C4orf50: variants seen among roughly 807,000 people sequenced by gnomAD.
C4orf50 encodes the protein chromosome 4 open reading frame 50.
C4orf50 carries 80 observed loss-of-function variants against 77.2 expected under a neutral mutation model. That is an observed-to-expected ratio of 1.04 (90% CI 0.87 to 1.25). The LOEUF is 1.25. C4orf50 is among the 50% of genes most tolerant of loss of function. C4orf50 has a pLI of 0.00. For synonymous variants in C4orf50, 532 were observed against 465.3 expected (o/e 1.14, Z -1.84); for missense variants, 1,257 against 1,152.9 (o/e 1.09, Z -1.31).
chr4:5,997,678 C>G (rs1721653660), intron 25 of C4orf50, among the ~76,000 whole-genome samples: 1 of 152,206 alleles, frequency 6.6e-6, no homozygotes, highest in South Asian at 2.1e-4. Flanking sequence ...TGAGAAATAT[C>G]AGGATATCCG....
rs1215232127 is a variant in C4orf50, at chr4:6,009,261, C to T, written c.427-729G>A. Among the ~76,000 whole-genome samples the T allele has an allele frequency of 6.6e-6, 1 of 152,220 alleles. No individual in the cohort carries two copies. The highest frequency in any genetic ancestry group is 2.4e-5 in the African/African-American group (1 of 41,464). On this transcript the variant is annotated intron_variant, in intron 24 of 33. Coordinates refer to ENST00000531445, the Ensembl canonical transcript of C4orf50. This position sits in a 1 kb window ranked among gnomAD's most constrained non-coding sequence, Gnocchi z 5.6. Reference sequence around the variant, plus strand: ...GTGAGCTGGACTGGGGTGCACAACCCACTGCGAAAATTAGAGCCGTTGCCT... The same window carrying T: ...GTGAGCTGGACTGGGGTGCACAACCTACTGCGAAAATTAGAGCCGTTGCCT...
At chr4:5,902,250 A>G (rs528847141) in intron 7 of C4orf50, 1 of 152,306 alleles carries the variant, frequency 6.6e-6, no homozygotes, top group African/African-American at 2.4e-5. Flanking sequence ...ATTAGACTCT[A>G]TTGAATGTCT....
Position 6,018,204 on chromosome 4 carries a change from C to A in C4orf50, c.228G>T (p.Glu76Asp), listed in dbSNP as rs1264991621. ...TGTCCTCTGCTGCTGACAGCTTCTG[C>A]TCGGAGGACTCCAGCTGCCTCCTGA... Residue 76 changes from glutamate (E) to aspartate (D), a missense_variant, in exon 23 of 34, where the codon GAG becomes GAT. Coordinates refer to ENST00000531445, the Ensembl canonical transcript of C4orf50. The surrounding 1 kb of genome is among the most constrained non-coding windows in gnomAD (Gnocchi z 5.1). The A allele has an allele frequency of 3.5e-5, 14 of 398,912 alleles. No homozygotes were observed. The highest frequency in any genetic ancestry group is 6.2e-5 in the Non-Finnish European group (14 of 226,096). The allele number at this position is 398,912 out of a possible 1,614,324, so 24.7% of individuals were successfully genotyped here. A position where few individuals can be genotyped will look rare whatever the true frequency, so the allele number is the denominator to read the frequency against.
rs536507507 is a variant in C4orf50, at chr4:5,991,327, G to A, written c.1222-503C>T. Among the ~76,000 whole-genome samples, 80 of 152,136 alleles carry A rather than the reference G, an allele frequency of 5.3e-4. 1 individual carries two copies. The highest frequency in any genetic ancestry group is 2.0e-4 in the Admixed American group (3 of 15,274). On this transcript the variant is annotated intron_variant, in intron 27 of 33. Coordinates refer to ENST00000531445, the Ensembl canonical transcript of C4orf50. Reference sequence around the variant, plus strand: ...CGGTGGCAATAGCCCCATGTGGCTCGTGGCTACTGTCTTGGGCAGTGCAGA... The same window carrying A: ...CGGTGGCAATAGCCCCATGTGGCTCATGGCTACTGTCTTGGGCAGTGCAGA...
chr4:5,963,223 C>G (rs1218900769), intron 33 of C4orf50, among the ~76,000 whole-genome samples: 1 of 152,022 alleles, frequency 6.6e-6, no homozygotes, highest in Admixed American at 6.6e-5. Flanking sequence ...GTCTCAAACT[C>G]CTGACCTCAA....
At chr4:5,988,245 G>T (rs1720987359) in intron 28 of C4orf50, 102 bp downstream of exon 6, 12 of 1,431,804 alleles carry the variant, frequency 8.4e-6, no homozygotes, top group South Asian at 1.3e-5. Flanking sequence ...GAGGATGATT[G>T]TACCTCCCTC....
At position 5,992,078 on chromosome 4, in the gene C4orf50, A is replaced by C. The variant is rs1250373639; in HGVS notation, c.1221+725T>G. On this transcript the variant is annotated intron_variant, in intron 27 of 33. Transcript: ENST00000531445. The surrounding 1 kb of genome is among the most constrained non-coding windows in gnomAD (Gnocchi z 5.0). ...AACCTGCTGGAGCCTCAGCCACCTC[A>C]CCTGTCAAATGGGGCACCTCCGTGT... Among the ~76,000 whole-genome samples, 1 of 152,090 alleles carries C rather than the reference A, an allele frequency of 6.6e-6. No individual in the cohort carries two copies. Among genetic ancestry groups the C allele is most frequent in the African/African-American group, 2.4e-5 (1 of 41,416 alleles).
At chr4:5,949,312 G>T (rs1718623208) in intron 7 of C4orf50, among the ~76,000 whole-genome samples, 1 of 152,228 alleles carries the variant, frequency 6.6e-6, no homozygotes, top group African/African-American at 2.4e-5. Context: ...ATTGATGAGT[G>T]AACAAACAAG....
At chr4:5,988,464 C>T (rs6846626) in exon 28 of C4orf50, 25,612 of 1,573,066 alleles carry the variant, frequency 0.016, 953 homozygotes, top group African/African-American at 0.15. Flanking sequence ...CATTTCCTTG[C>T]AGGGCATTGG....
chr4:5,963,449 A>G (rs114990082), intron 33 of C4orf50, among the ~76,000 whole-genome samples: 3,235 of 152,344 alleles, frequency 0.021, 123 homozygotes, highest in African/African-American at 0.073. Context: ...TTTAAGGTCA[A>G]TAACAATAGC....
exon 28 of C4orf50, chr4:5,990,420 C>T (rs988939724): frequency 3.7e-5 from 15 of 410,392 alleles, no homozygotes; most frequent in Non-Finnish European, 5.1e-5. Flanking sequence ...CTTTCAGATC[C>T]TTGGGGTGTT....
intron 29 of C4orf50, among the ~76,000 whole-genome samples, chr4:5,977,037 G>T (rs1021518176): frequency 1.3e-5 from 2 of 152,152 alleles, no homozygotes; most frequent in African/African-American, 4.8e-5. Flanking sequence ...GTGCCCTCTG[G>T]GGAGACCGTG....
rs562610419 is a variant in C4orf50, at chr4:5,970,726, A to C, written c.4104+2933T>G. On this transcript the variant is annotated intron_variant, in intron 31 of 33. Coordinates refer to ENST00000531445, the Ensembl canonical transcript of C4orf50. The surrounding 1 kb of genome is among the most constrained non-coding windows in gnomAD (Gnocchi z 4.3). ...GAGGTGGTCACCGACTGCTGCTTGC[A>C]TGGGCACCAGGCCACGCCACCTCCT... Among the ~76,000 whole-genome samples, 18 of 152,312 alleles carry C rather than the reference A, an allele frequency of 1.2e-4. No homozygotes were observed. In the South Asian group the frequency reaches 2.5e-3, roughly 21 times the overall value.
chr4:5,999,656 G>T (rs770053828), intron 25 of C4orf50, among the ~76,000 whole-genome samples: 6 of 152,138 alleles, frequency 3.9e-5, no homozygotes, highest in Non-Finnish European at 8.8e-5. Flanking sequence ...CAGGGACTGG[G>T]AATAGAGCTA....
chr4:5,989,406 C>T (rs569284166), exon 28 of C4orf50: 17 of 1,536,082 alleles, frequency 1.1e-5, no homozygotes, highest in Middle Eastern at 1.7e-4. Flanking sequence ...TGGTCTTTCC[C>T]GGCTTATCAC....
At chr4:5,984,140 C>T (rs1330497891) in intron 28 of C4orf50, among the ~76,000 whole-genome samples, 1 of 152,142 alleles carries the variant, frequency 6.6e-6, no homozygotes, top group Non-Finnish European at 1.5e-5. Context: ...GGTCTGAGGG[C>T]AAAACTTAAA....
chr4:5,945,083 T>C lies in C4orf50; in HGVS notation c.*2474+11818A>G, dbSNP rs1577916382. Among the ~76,000 whole-genome samples, 8 of 152,202 alleles carry C rather than the reference T, an allele frequency of 5.3e-5. 3 individuals are homozygous for C. Among genetic ancestry groups the C allele is most frequent in the Admixed American group, 5.2e-4 (8 of 15,292 alleles). On this transcript the variant is annotated intron_variant, in intron 7 of 7. Coordinates refer to the C4orf50 transcript ENST00000324058. Reference sequence around the variant, plus strand: ...AAATGATTCTCCACAGGCCAGTGGCTCTAGCACTGGAGCGTGCATGGGGAG... The same window carrying C: ...AAATGATTCTCCACAGGCCAGTGGCCCTAGCACTGGAGCGTGCATGGGGAG...
At chr4:5,913,617 C>T (rs926504362) in intron 7 of C4orf50, among the ~76,000 whole-genome samples, 1 of 152,176 alleles carries the variant, frequency 6.6e-6, no homozygotes, top group African/African-American at 2.4e-5. Context: ...ACATTCCGGT[C>T]CAATTGATGG....
chr4:5,976,184 G>A (rs10009350), intron 29 of C4orf50, among the ~76,000 whole-genome samples: 34,847 of 151,880 alleles, frequency 0.23, 4,809 homozygotes, highest in East Asian at 0.67. Flanking sequence ...AGTGACCCAC[G>A]CCTGTAATCC....
Sources: gnomAD v4.1 joint callset for allele counts (sites outside exome capture counted in the v4.1 genomes callset) on GRCh38, gnomAD v4.1.1 for gene constraint, Gnocchi (gnomAD v3.1) non-coding constraint, MANE v1.5 for transcripts, NCBI Gene and HGNC (gene_info 2026-07-23, HGNC 2026-07-21) for gene names.